The following RARB variants were observed in gnomAD, a reference collection of about 807,000 sequenced individuals.
RARB encodes the protein HBV-activated protein.
A neutral mutation model predicts 51.9 loss-of-function variants in RARB; 17 were observed. That is an observed-to-expected ratio of 0.33 (90% CI 0.22 to 0.49). The LOEUF (loss-of-function observed/expected upper bound fraction) is 0.49. Among genes scored for constraint, RARB ranks in the 20% least tolerant of loss-of-function variants. RARB has a pLI of 0.99. For synonymous variants in RARB, 215 were observed against 195.4 expected (o/e 1.10, Z -0.84); for missense variants, 369 against 550.8 (o/e 0.67, Z 3.30).
At chr3:25,080,343 C>G (rs1447658410) in intron 3 of RARB, among the ~76,000 whole-genome samples, 2 of 152,152 alleles carry the variant, frequency 1.3e-5, no homozygotes, top group Non-Finnish European at 2.9e-5. Flanking sequence ...TTAACAAACA[C>G]TTCAGATATT....
At chr3:25,551,417 G>T (rs1699848260) in intron 3 of RARB, among the ~76,000 whole-genome samples, 1 of 152,192 alleles carries the variant, frequency 6.6e-6, no homozygotes, top group African/African-American at 2.4e-5. Context: ...GACCCTGGTA[G>T]ATATACTGGA....
At chr3:24,909,480 G>A (rs1055780972) in intron 2 of RARB, among the ~76,000 whole-genome samples, 2 of 152,042 alleles carry the variant, frequency 1.3e-5, no homozygotes, top group Admixed American at 1.3e-4. Flanking sequence ...TGCACACGAG[G>A]CCTGTCTCCT....
In RARB at chr3:25,437,394, A is replaced by C. The variant is rs1487795359; in HGVS notation, c.157+8506A>C. The stretch of plus-strand genomic sequence containing the variant: ...CATTTTTATTGCTCATTGATGGATT[A>C]GTTTTTGCAACGTGCCATTCAGCAA... On this transcript the variant is annotated intron_variant, in intron 1 of 7. Transcript: ENST00000330688. Among the ~76,000 whole-genome samples the C allele has an allele frequency of 5.9e-5, 9 of 152,272 alleles. No homozygotes were observed. In the East Asian group the frequency reaches 1.7e-3, roughly 29 times the overall value.
At position 24,943,220 on chromosome 3, in the gene RARB, C is replaced by A. The variant is rs533961950; in HGVS notation, c.-380+84468C>A. 7.9e-5 allele frequency among the ~76,000 whole-genome samples: 12 copies of A among 152,186 alleles called. 1 individual carries two copies. In the South Asian group the frequency reaches 1.7e-3, roughly 21 times the overall value. ...CGAGTTTAGGGGGAGAAATAATAAC[C>A]AAAAGCATCACATAAAACAAACTTC... On this transcript the variant is annotated intron_variant, in intron 2 of 11. Coordinates refer to the RARB transcript ENST00000383772.
chr3:25,471,020 C>T (rs541237060), intron 2 of RARB, among the ~76,000 whole-genome samples: 12 of 152,154 alleles, frequency 7.9e-5, no homozygotes, highest in South Asian at 6.2e-4. Flanking sequence ...TTATAAATAA[C>T]GCATAATAAG....
At position 25,191,680 on chromosome 3, in the gene RARB, A is replaced by G. The variant is rs557972687; in HGVS notation, c.178+17105A>G. Among the ~76,000 whole-genome samples the G allele has an allele frequency of 1.8e-3, 276 of 152,254 alleles. 1 individual carries two copies. The highest frequency in any genetic ancestry group is 6.4e-3 in the African/African-American group (268 of 41,562). On this transcript the variant is annotated intron_variant, in intron 5 of 11. Coordinates refer to the RARB transcript ENST00000383772. ...TTGCATTGGGGGAAGACATTAACTC[A>G]GTCTCTTCCATCTATGCAAGGATTT...
intron 3 of RARB, among the ~76,000 whole-genome samples, chr3:25,084,922 CA>C (rs1422496385): frequency 6.6e-6 from 1 of 152,106 alleles, no homozygotes; most frequent in Non-Finnish European, 1.5e-5. Flanking sequence ...TAATTATCGG[CA>C]GTTTTGCCAT....
At chr3:24,961,424 T>A (rs931776078) in intron 2 of RARB, among the ~76,000 whole-genome samples, 3 of 152,242 alleles carry the variant, frequency 2.0e-5, no homozygotes, top group African/African-American at 7.2e-5. Context: ...GGATATGAAC[T>A]GATGCTGAAA....
intron 4 of RARB, among the ~76,000 whole-genome samples, chr3:25,164,853 C>G (rs150517626): frequency 1.8e-4 from 28 of 152,268 alleles, no homozygotes; most frequent in Non-Finnish European, 3.7e-4. Context: ...GTTCAGGAAT[C>G]TCAGCTGTGT....
intron 5 of RARB, among the ~76,000 whole-genome samples, chr3:25,361,809 G>A (rs1210782706): frequency 6.6e-6 from 1 of 152,202 alleles, no homozygotes; most frequent in Non-Finnish European, 1.5e-5. Context: ...CACCAGTGGA[G>A]GCTGCAGAAC....
chr3:24,837,509 A>AG (rs1702359849), intron 1 of RARB, among the ~76,000 whole-genome samples: 1 of 152,244 alleles, frequency 6.6e-6, no homozygotes, highest in Non-Finnish European at 1.5e-5. Context: ...AGTAAAACTT[A>AG]GAGTAGATAG....
chr3:25,413,022 G>C (rs1380346617), intron 5 of RARB, among the ~76,000 whole-genome samples: 1 of 150,326 alleles, frequency 6.7e-6, no homozygotes, highest in Non-Finnish European at 1.5e-5. Context: ...TCCATCTTGG[G>C]GGAAAAAAAA....
chr3:25,501,072 A>G lies in RARB; in HGVS notation c.307-110A>G, dbSNP rs761887625. ...TATGTAAGTTAACTTTTCTGCTGCC[A>G]TCACTTCGTTACTCAAAAAGAGCAA... On this transcript the variant is annotated intron_variant, in intron 2 of 7. Coordinates refer to ENST00000330688, the MANE Select transcript of RARB (RefSeq NM_000965.5). 211 of 1,292,864 alleles carry G rather than the reference A, an allele frequency of 1.6e-4. 1 individual carries two copies. Among genetic ancestry groups the G allele is most frequent in the Non-Finnish European group, 2.1e-4 (203 of 961,534 alleles). 80.1% of individuals were successfully genotyped at this position (1,292,864 alleles called of 1,614,324 possible).
At chr3:24,850,404 T>C (rs1169368836) in intron 1 of RARB, among the ~76,000 whole-genome samples, 21 of 152,174 alleles carry the variant, frequency 1.4e-4, no homozygotes, top group Admixed American at 1.2e-3. Flanking sequence ...TTACATTTCA[T>C]TGGCCAAAGC....
chr3:25,528,861 AG>A (rs60488410), intron 3 of RARB, among the ~76,000 whole-genome samples: 32,252 of 151,862 alleles, frequency 0.21, 3,552 homozygotes, highest in Middle Eastern at 0.24. Context: ...TCGCCTCCCT[AG>A]GAACCCTTCT....
At chr3:25,092,023 A>G (rs1040597688) in intron 3 of RARB, among the ~76,000 whole-genome samples, 2 of 152,156 alleles carry the variant, frequency 1.3e-5, no homozygotes, top group Admixed American at 6.6e-5. Context: ...ATGGACTTGT[A>G]GTATTTGGAT....
At chr3:25,499,360 T>C (rs1265346115) in intron 2 of RARB, among the ~76,000 whole-genome samples, 1 of 152,194 alleles carries the variant, frequency 6.6e-6, no homozygotes, top group African/African-American at 2.4e-5. Flanking sequence ...ACTGGTAAAG[T>C]AGACTTCCTC....
chr3:25,368,332 C>A (rs1706191641), intron 5 of RARB, among the ~76,000 whole-genome samples: 1 of 152,068 alleles, frequency 6.6e-6, no homozygotes, highest in African/African-American at 2.4e-5. Context: ...TGGAAGAATT[C>A]TTTAAATAGT....
intron 5 of RARB, among the ~76,000 whole-genome samples, chr3:25,228,650 G>A (rs9812266): frequency 0.014 from 2,126 of 151,754 alleles, 52 homozygotes; most frequent in African/African-American, 0.048. Flanking sequence ...TTTTTTTGGT[G>A]GGAGACCAGG....
Sources: allele counts gnomAD v4.1 joint callset (sites outside exome capture counted in the v4.1 genomes callset), GRCh38; gene constraint gnomAD v4.1.1; transcripts MANE v1.5; gene names NCBI Gene and HGNC (gene_info 2026-07-23, HGNC 2026-07-21).